The following LANCL2 variants were observed in gnomAD, a reference collection of about 807,000 sequenced individuals.
LANCL2 encodes the protein LanC like glutathione S-transferase 2, also known as lanC-like protein 2.
Under a neutral mutation model 56.9 loss-of-function variants are expected in LANCL2, and 33 were observed. That is an observed-to-expected ratio of 0.58 (90% CI 0.44 to 0.78). LANCL2 has a LOEUF of 0.78. Ranked by LOEUF, LANCL2 falls within the 30% of genes least tolerant of loss-of-function variation. LANCL2 has a pLI of 0.00. For synonymous variants in LANCL2, 233 were observed against 228.2 expected (o/e 1.02, Z -0.19); for missense variants, 562 against 580.2 (o/e 0.97, Z 0.32).
chr7:55,367,969 G>C (rs1428930652), intron 1 of LANCL2, among the ~76,000 whole-genome samples: 1 of 152,062 alleles, frequency 6.6e-6, no homozygotes, highest in East Asian at 1.9e-4. Context: ...TTGTGACTTA[G>C]TGTTTCATTT....
intron 6 of LANCL2, among the ~76,000 whole-genome samples, chr7:55,412,774 T>C (rs1472141504): frequency 1.3e-5 from 2 of 152,242 alleles, no homozygotes; most frequent in African/African-American, 4.8e-5. Context: ...ATGTTGGAGA[T>C]TGTTGCTCAT....
chr7:55,389,805 C>T (rs1472256006), intron 1 of LANCL2, among the ~76,000 whole-genome samples: 1 of 152,152 alleles, frequency 6.6e-6, no homozygotes, highest in Non-Finnish European at 1.5e-5. Flanking sequence ...CAGTTGTCTC[C>T]CCTTCCCTTT....
Position 55,380,098 on chromosome 7 carries a change from C to T in LANCL2, c.205-11695C>T, listed in dbSNP as rs191062733. On this transcript the variant is annotated intron_variant, in intron 1 of 8. Coordinates refer to ENST00000254770, the MANE Select transcript of LANCL2 (RefSeq NM_018697.4). ...TTGAATAACATTTAATGAAAAGATA[C>T]AATTTTGAAAGCTAATGGTATGTTT... is the stretch of plus-strand genomic sequence containing the variant. Among the ~76,000 whole-genome samples the T allele has an allele frequency of 3.3e-4, 51 of 152,264 alleles. 1 individual carries two copies. The South Asian group carries it at 6.2e-3, about 19-fold the overall frequency.
At chr7:55,366,325 G>T in intron 1 of LANCL2, 96 bp downstream of exon 1, 1 of 1,070,540 alleles carries the variant, frequency 9.3e-7, no homozygotes, top group South Asian at 1.8e-5. Context: ...GCGCGCGCCG[G>T]GCTTGGGAGG....
At chr7:55,381,898 AAAT>A (rs1790073372) in intron 1 of LANCL2, among the ~76,000 whole-genome samples, 1 of 152,190 alleles carries the variant, frequency 6.6e-6, no homozygotes. Flanking sequence ...AATGGCAAAC[AAAT>A]GAGGTTTGTG....
chr7:55,390,645 G>T (rs1468929364), intron 1 of LANCL2, among the ~76,000 whole-genome samples: 2 of 151,998 alleles, frequency 1.3e-5, no homozygotes, highest in African/African-American at 4.8e-5. Context: ...GCTGGGCGTG[G>T]TGGCAAGCGC....
At chr7:55,401,439 G>A (rs988059432) in intron 5 of LANCL2, 119 bp downstream of exon 5, 21 of 718,348 alleles carry the variant, frequency 2.9e-5, no homozygotes, top group African/African-American at 9.3e-5. Context: ...TCGCTGATGC[G>A]TAACTCTGCC....
intron 1 of LANCL2, among the ~76,000 whole-genome samples, chr7:55,366,635 C>T (rs56231827): frequency 0.051 from 7,714 of 152,200 alleles, 662 homozygotes; most frequent in African/African-American, 0.17. Flanking sequence ...ATATCTGGTC[C>T]CTGGGCTCTC....
At chr7:55,409,110 A>T in intron 5 of LANCL2, among the ~76,000 whole-genome samples, 1 of 148,766 alleles carries the variant, frequency 6.7e-6, no homozygotes, top group African/African-American at 2.5e-5. Context: ...TTTTTTTGAG[A>T]CGGAGTCTTG....
intron 6 of LANCL2, among the ~76,000 whole-genome samples, chr7:55,422,474 A>T (rs901072190): frequency 8.5e-5 from 13 of 152,190 alleles, no homozygotes; most frequent in Non-Finnish European, 1.6e-4. Context: ...TAACTGTTAC[A>T]TGCCTAGATG....
intron 6 of LANCL2, among the ~76,000 whole-genome samples, chr7:55,424,137 A>G (rs1790637394): frequency 6.6e-6 from 1 of 152,182 alleles, no homozygotes; most frequent in African/African-American, 2.4e-5. Context: ...TTGCACTGGA[A>G]TGTGATGAGT....
chr7:55,369,504 G>A (rs934593287), intron 1 of LANCL2, among the ~76,000 whole-genome samples: 2 of 152,060 alleles, frequency 1.3e-5, no homozygotes, highest in African/African-American at 4.8e-5. Context: ...TTACAATATT[G>A]GGCCAATATT....
At chr7:55,391,265 G>A (rs905832100) in intron 1 of LANCL2, among the ~76,000 whole-genome samples, 10 of 151,882 alleles carry the variant, frequency 6.6e-5, no homozygotes, top group Non-Finnish European at 8.8e-5. Flanking sequence ...TGATCCGCCC[G>A]CCTCGGCCTC....
In LANCL2 at chr7:55,401,272, C is replaced by A; in HGVS notation, c.777C>A (p.Tyr259Ter). Residue 259 changes from tyrosine (Y) to a stop codon, truncating the protein, a stop_gained, in exon 5 of 9, where the codon TAC becomes TAA. Coordinates refer to ENST00000254770, the MANE Select transcript of LANCL2 (RefSeq NM_018697.4). LOFTEE classifies it high-confidence loss of function. The stretch of plus-strand genomic sequence containing the variant: ...TGTACCAGTGGCACCGGAAGCAGTA[C>A]GTTGGAGCAGCCCATGGCATGGCTG... ...PLLYQWHRKQ[Y>*]VGAAHGMAGI... is the part of the protein sequence containing the mutation. 1 of 1,614,076 alleles carries A rather than the reference C, an allele frequency of 6.2e-7. No homozygotes were observed. Among genetic ancestry groups the A allele is most frequent in the South Asian group, 1.1e-5 (1 of 91,080 alleles).
At chr7:55,380,869 C>CTTTTT (rs66710499) in intron 1 of LANCL2, among the ~76,000 whole-genome samples, 2 of 118,598 alleles carry the variant, frequency 1.7e-5, no homozygotes, top group African/African-American at 3.2e-5. Flanking sequence ...GAGTGAATTT[C>CTTTTT]TTTTTTTTTT....
chr7:55,371,261 C>T (rs1789940715), intron 1 of LANCL2, among the ~76,000 whole-genome samples: 1 of 151,962 alleles, frequency 6.6e-6, no homozygotes, highest in Non-Finnish European at 1.5e-5. Context: ...TTTTTCGAGA[C>T]AGGGTCTCAC....
At chr7:55,404,158 T>G (rs1790377575) in intron 5 of LANCL2, among the ~76,000 whole-genome samples, 2 of 152,338 alleles carry the variant, frequency 1.3e-5, no homozygotes, top group South Asian at 4.1e-4. Context: ...GTGCTTGGCT[T>G]GAGCATAAGC....
intron 1 of LANCL2, among the ~76,000 whole-genome samples, chr7:55,391,270 G>A (rs995250969): frequency 4.0e-5 from 6 of 151,754 alleles, no homozygotes; most frequent in African/African-American, 7.3e-5. Context: ...CGCCCGCCTC[G>A]GCCTCCCAAA....
chr7:55,424,539 G>C (rs1007176901), intron 6 of LANCL2, among the ~76,000 whole-genome samples: 1 of 152,218 alleles, frequency 6.6e-6, no homozygotes, highest in Non-Finnish European at 1.5e-5. Context: ...AGAGCTATGG[G>C]ATGTATGTGC....
Sources: allele counts gnomAD v4.1 joint callset (sites outside exome capture counted in the v4.1 genomes callset), GRCh38; gene constraint gnomAD v4.1.1; transcripts MANE v1.5; gene names NCBI Gene and HGNC (gene_info 2026-07-23, HGNC 2026-07-21).